The following PIWIL1 variants were observed in gnomAD, a reference collection of about 807,000 sequenced individuals.
PIWIL1 encodes the protein piwi like RNA-mediated gene silencing 1.
A neutral mutation model predicts 114.4 loss-of-function variants in PIWIL1; 73 were observed. The observed-to-expected ratio is 0.64, with a 90% CI of 0.53 to 0.78. The LOEUF is 0.78. Ranked by LOEUF, PIWIL1 falls within the 30% of genes least tolerant of loss-of-function variation. The pLI is 0.00. For synonymous variants in PIWIL1, 375 were observed against 369.0 expected (o/e 1.02, Z -0.19); for missense variants, 723 against 1,063.1 (o/e 0.68, Z 4.45).
chr12:130,409,446 G>A, the PIWIL1 span, among the ~76,000 whole-genome samples: 1 of 145,884 alleles, frequency 6.9e-6, no homozygotes, highest in African/African-American at 2.5e-5. Flanking sequence ...GGGTTCATGC[G>A]ATTCTCCTGC....
chr12:130,348,301 T>G (rs2073124980), intron 7 of PIWIL1, 118 bp downstream of exon 7: 1 of 588,504 alleles, frequency 1.7e-6, no homozygotes, highest in Non-Finnish European at 3.0e-6. Context: ...CCCATCACAT[T>G]ATGTGACTAT....
the PIWIL1 span, chr12:130,424,884 G>A: frequency 1.5e-5 from 18 of 1,212,530 alleles, no homozygotes; most frequent in Admixed American, 1.3e-4. This position sits in a 1 kb window ranked among gnomAD's most constrained non-coding sequence, Gnocchi z 9.8. Flanking sequence ...GTCAAGAACA[G>A]GCGCGGGAAA....
intron 3 of PIWIL1, among the ~76,000 whole-genome samples, chr12:130,343,393 G>A (rs555328601): frequency 2.0e-5 from 3 of 152,272 alleles, no homozygotes; most frequent in South Asian, 4.1e-4. Context: ...TACCTGTAGA[G>A]GTAAAGATCA....
chr12:130,349,543 T>C, intron 8 of PIWIL1, 107 bp downstream of exon 8: 1 of 762,836 alleles, frequency 1.3e-6, no homozygotes, highest in Non-Finnish European at 2.1e-6. Flanking sequence ...GTGGTGGGAA[T>C]AGCACAAAAC....
At chr12:130,352,313 TA>T (rs1486777021) in intron 9 of PIWIL1, among the ~76,000 whole-genome samples, 1 of 152,122 alleles carries the variant, frequency 6.6e-6, no homozygotes, top group African/African-American at 2.4e-5. Context: ...GTTTTTAAAA[TA>T]AAAGGTTTAA....
At chr12:130,345,920 G>A (rs374340156) in intron 4 of PIWIL1, 42 bp downstream of exon 4, 1 of 1,603,822 alleles carries the variant, frequency 6.2e-7, no homozygotes, top group Admixed American at 1.7e-5. Flanking sequence ...TACATCTCAG[G>A]AACACAGGAC....
Position 130,363,102 on chromosome 12 carries a change from C to T in PIWIL1, c.2153C>T (p.Pro718Leu). ...QLKTLVNYEV[P>L]QFLDCLKSIG... ...AAAACACTGGTGAACTACGAAGTGC[C>T]ACAGTTTTTGGATTGTCTAAAATCC... The change falls in exon 18 of 21, where the codon CCA becomes CTA. Residue 718 changes from proline to leucine, a missense_variant. By Grantham distance (98) the Pro-to-Leu change is moderately conservative. Transcript: ENST00000245255. 1 of 1,614,196 alleles carries T rather than the reference C, an allele frequency of 6.2e-7. No homozygotes were observed. The highest frequency in any genetic ancestry group is 8.5e-7 in the Non-Finnish European group (1 of 1,180,020).
the PIWIL1 span, among the ~76,000 whole-genome samples, chr12:130,400,749 C>T: frequency 3.0e-3 from 450 of 152,240 alleles, no homozygotes; most frequent in Non-Finnish European, 5.0e-3. Context: ...GGTTAATATC[C>T]AGAACATATA....
At chr12:130,353,357 GTTC>G (rs957125736) in intron 9 of PIWIL1, among the ~76,000 whole-genome samples, 3 of 147,714 alleles carry the variant, frequency 2.0e-5, no homozygotes, top group East Asian at 2.0e-4. Context: ...TGTGTGGTTT[GTTC>G]TTCTGGTGTG....
chr12:130,392,723 A>G, the PIWIL1 span, among the ~76,000 whole-genome samples: 1 of 145,728 alleles, frequency 6.9e-6, no homozygotes. Flanking sequence ...TGACCCGGTC[A>G]CCGTCATCAC....
intron 14 of PIWIL1, among the ~76,000 whole-genome samples, chr12:130,359,491 T>A (rs1320288925): frequency 6.6e-6 from 1 of 152,176 alleles, no homozygotes; most frequent in East Asian, 1.9e-4. Flanking sequence ...CATGAGCCCC[T>A]GGGTGTTGGG....
chr12:130,363,984 T>G (rs181292820), intron 18 of PIWIL1, among the ~76,000 whole-genome samples: 1 of 152,278 alleles, frequency 6.6e-6, no homozygotes, highest in East Asian at 1.9e-4. Context: ...CTTGTTTTCC[T>G]TTGAAACCCA....
chr12:130,399,878 C>T, the PIWIL1 span: 1 of 1,567,990 alleles, frequency 6.4e-7, no homozygotes, highest in East Asian at 2.2e-5. Context: ...CTTGCTTTGG[C>T]TAAAGGAATA....
intron 11 of PIWIL1, 43 bp from the exon 12 acceptor site, chr12:130,355,510 G>C: frequency 1.5e-6 from 2 of 1,361,464 alleles, no homozygotes; most frequent in East Asian, 2.3e-5. Context: ...TCTTCTTGCT[G>C]TGTCTCTTTG....
chr12:130,346,000 C>A, intron 4 of PIWIL1, 122 bp downstream of exon 4: 1 of 1,007,862 alleles, frequency 9.9e-7, no homozygotes, highest in African/African-American at 1.6e-5. Context: ...CGATTTTCCT[C>A]ACTTTCTTTT....
At chr12:130,420,044 C>A in the PIWIL1 span, among the ~76,000 whole-genome samples, 1 of 152,136 alleles carries the variant, frequency 6.6e-6, no homozygotes, top group Non-Finnish European at 1.5e-5. This position sits in a 1 kb window ranked among gnomAD's most constrained non-coding sequence, Gnocchi z 4.3. Flanking sequence ...GATAAGTAAT[C>A]CTTTGAAATA....
chr12:130,364,498 T>A (rs183091060), intron 18 of PIWIL1, among the ~76,000 whole-genome samples: 1 of 152,348 alleles, frequency 6.6e-6, no homozygotes, highest in East Asian at 1.9e-4. Flanking sequence ...GCCGTGAAGG[T>A]CTCAGAGAAA....
chr12:130,347,029 CT>C lies in PIWIL1; in HGVS notation c.622del (p.Cys208ValfsTer13), dbSNP rs1416285994. On this transcript the variant is annotated frameshift_variant, in exon 6 of 21. Coordinates refer to ENST00000245255, the MANE Select transcript of PIWIL1 (RefSeq NM_004764.5). LOFTEE classifies it high-confidence loss of function. The stretch of plus-strand genomic sequence containing the variant: ...AATGAACTTCCACCTACATCACCAA[CT>C]TGTTTGCAGTTCTATAATATTATTT... ...LTNELPPTSP[T>X]CLQFYNIIFR... 1 of 1,613,490 alleles carries C rather than the reference CT, an allele frequency of 6.2e-7. No individual in the cohort carries two copies. The highest frequency in any genetic ancestry group is 8.5e-7 in the Non-Finnish European group (1 of 1,179,608).
intron 19 of PIWIL1, 61 bp downstream of exon 19, chr12:130,367,319 G>T: frequency 6.9e-7 from 1 of 1,448,574 alleles, no homozygotes; most frequent in Non-Finnish European, 9.3e-7. Flanking sequence ...CTTTAGCATG[G>T]CCCCTATGCT....
Sources: allele counts gnomAD v4.1 joint callset (sites outside exome capture counted in the v4.1 genomes callset), GRCh38; gene constraint gnomAD v4.1.1; non-coding constraint Gnocchi (gnomAD v3.1); transcripts MANE v1.5; gene names NCBI Gene and HGNC (gene_info 2026-07-23, HGNC 2026-07-21).